ZNF407: variants seen among roughly 807,000 people sequenced by gnomAD.
ZNF407 encodes zinc finger protein 407.
In ZNF407, 17 loss-of-function variants were observed where a neutral mutation model predicts 131.2. The ratio of observed to expected loss-of-function variants is 0.13; its 90% CI spans 0.09 to 0.19. ZNF407 has a LOEUF of 0.19. Ranked by LOEUF, ZNF407 falls within the 10% of genes least tolerant of loss-of-function variation. The probability of loss-of-function intolerance (pLI) is 1.00; values close to 1 mark genes in which losing one functional copy is unlikely to be tolerated. For synonymous variants in ZNF407, 1,156 were observed against 1,062.0 expected, an observed-to-expected ratio of 1.09 and a Z score of -1.72; for missense variants, 2,681 against 2,830.6, an observed-to-expected ratio of 0.95 and a Z score of 1.20.
intron 3 of ZNF407, among the ~76,000 whole-genome samples, chr18:74,671,984 C>T (rs913286229): frequency 3.3e-5 from 5 of 152,138 alleles, no homozygotes; most frequent in Non-Finnish European, 5.9e-5. Flanking sequence ...AGGTTGATTC[C>T]ATGTCTTTGT....
intron 4 of ZNF407, among the ~76,000 whole-genome samples, chr18:74,789,852 C>G (rs1280905254): frequency 1.2e-5 from 1 of 86,128 alleles, no homozygotes; most frequent in Non-Finnish European, 2.2e-5. Flanking sequence ...ATCTTTGTAT[C>G]TGGTTTTTTT....
intron 8 of ZNF407, among the ~76,000 whole-genome samples, chr18:74,931,765 G>A (rs1226422082): frequency 2.0e-5 from 3 of 152,116 alleles, no homozygotes; most frequent in African/African-American, 7.2e-5. Flanking sequence ...CTCATCGTGT[G>A]GTTTTAATTT....
chr18:75,001,085 C>A (rs546218478), intron 8 of ZNF407, among the ~76,000 whole-genome samples: 40 of 152,266 alleles, frequency 2.6e-4, no homozygotes, highest in African/African-American at 9.4e-4. Context: ...CACATGATGT[C>A]CCACCAGAAG....
In ZNF407 at chr18:74,633,004, C is replaced by G; in HGVS notation, c.1985C>G (p.Pro662Arg). ...SNSDLVLQTLPLSTLESENAK... is the reference protein window; with the variant it reads ...SNSDLVLQTLRLSTLESENAK... ...AGTGATTTGGTTTTACAGACTTTAC[C>G]TTTGAGTACTTTAGAATCAGAAAAC... The change falls in exon 2 of 9, where the codon CCT becomes CGT. Residue 662 changes from proline (P) to arginine (R), a missense_variant. Physicochemically the swap from Pro to Arg is moderately radical, Grantham distance 103 (BLOSUM62 -2). Coordinates refer to ENST00000299687, the MANE Select transcript of ZNF407 (RefSeq NM_017757.3). 1 of 1,613,206 alleles carries G rather than the reference C, an allele frequency of 6.2e-7. No homozygotes were observed. The highest frequency in any genetic ancestry group is 8.5e-7 in the Non-Finnish European group (1 of 1,179,814).
At chr18:74,622,851 AGT>A (rs933310847) in intron 1 of ZNF407, among the ~76,000 whole-genome samples, 10 of 149,936 alleles carry the variant, frequency 6.7e-5, no homozygotes, top group East Asian at 2.0e-4. Flanking sequence ...TATCTGAATG[AGT>A]GTGTGGGTGT....
chr18:74,756,366 A>G (rs991360877), intron 3 of ZNF407, among the ~76,000 whole-genome samples: 2 of 151,996 alleles, frequency 1.3e-5, no homozygotes, highest in African/African-American at 4.8e-5. Context: ...GGCAGGTTGG[A>G]ATTTTGATAG....
chr18:74,636,948 A>G (rs1242216994), intron 2 of ZNF407, among the ~76,000 whole-genome samples: 2 of 152,244 alleles, frequency 1.3e-5, no homozygotes, highest in Non-Finnish European at 2.9e-5. Context: ...CGCAGAAAAT[A>G]TGTACTTTCT....
chr18:74,733,983 A>AT lies in ZNF407; in HGVS notation c.4803-47437dup, dbSNP rs973576464. On this transcript the variant is annotated intron_variant, in intron 3 of 8. Coordinates refer to ENST00000299687, the MANE Select transcript of ZNF407 (RefSeq NM_017757.3). ...CTTAGGCCCTTCAAATTTACTGGTTATTTTTTTTCTCTTTTTGCTCATCTT... is the reference window on the plus strand; with the variant it reads ...CTTAGGCCCTTCAAATTTACTGGTTATTTTTTTTTCTCTTTTTGCTCATCTT... Among the ~76,000 whole-genome samples, 16 of 150,792 alleles carry AT rather than the reference A, an allele frequency of 1.1e-4. No homozygotes were observed. In the East Asian group the frequency reaches 2.9e-3, roughly 28 times the overall value.
chr18:74,801,206 G>T (rs1010363269), intron 4 of ZNF407, among the ~76,000 whole-genome samples: 1 of 152,118 alleles, frequency 6.6e-6, no homozygotes, highest in Admixed American at 6.6e-5. Context: ...TTTCTCTTGA[G>T]TATGATTAAT....
intron 3 of ZNF407, among the ~76,000 whole-genome samples, chr18:74,732,575 A>G (rs1968318386): frequency 6.6e-6 from 1 of 152,230 alleles, no homozygotes; most frequent in Non-Finnish European, 1.5e-5. Context: ...TATTGACCTT[A>G]GATAAGCCCT....
At chr18:74,914,133 A>G (rs1244330716) in intron 7 of ZNF407, among the ~76,000 whole-genome samples, 1 of 152,208 alleles carries the variant, frequency 6.6e-6, no homozygotes, top group East Asian at 1.9e-4. Context: ...TGAGCCCTGC[A>G]GGAATCCTGG....
chr18:74,991,527 C>T (rs1032733776), intron 8 of ZNF407, among the ~76,000 whole-genome samples: 1 of 152,182 alleles, frequency 6.6e-6, no homozygotes, highest in African/African-American at 2.4e-5. Context: ...TTAAAATGGG[C>T]TGCTAGCATT....
intron 3 of ZNF407, among the ~76,000 whole-genome samples, chr18:74,655,686 G>A (rs1282440946): frequency 6.6e-6 from 1 of 152,136 alleles, no homozygotes; most frequent in Non-Finnish European, 1.5e-5. Context: ...TACTTTCAGT[G>A]AATATTTGTT....
rs112448095 is a variant in ZNF407 at position 74,740,805 on chromosome 18, T to C, written c.4803-40623T>C. Among the ~76,000 whole-genome samples the C allele has an allele frequency of 6.6e-4, 101 of 152,266 alleles. 1 individual carries two copies. The highest frequency in any genetic ancestry group is 2.4e-3 in the African/African-American group (98 of 41,542). ...TTAGATTTCCCTGCTGGGAGGTAAG[T>C]AGTTACTAGACCAGGGTCTAGACGA... On this transcript the variant is annotated intron_variant, in intron 3 of 8. Transcript: ENST00000299687.
chr18:75,013,327 C>T (rs761291101), intron 8 of ZNF407, among the ~76,000 whole-genome samples: 4 of 151,816 alleles, frequency 2.6e-5, no homozygotes, highest in East Asian at 1.9e-4. Flanking sequence ...GTTGTAGATC[C>T]GTATTTATTA....
intron 3 of ZNF407, among the ~76,000 whole-genome samples, chr18:74,726,884 T>C (rs1311453947): frequency 1.3e-5 from 2 of 152,204 alleles, no homozygotes. Context: ...GTCTTGGGCA[T>C]GTGCAGTATT....
chr18:74,752,673 T>A (rs1968834004), intron 3 of ZNF407, among the ~76,000 whole-genome samples: 1 of 152,220 alleles, frequency 6.6e-6, no homozygotes, highest in Non-Finnish European at 1.5e-5. Context: ...TTGTCAAAGA[T>A]CAGATGGTTG....
At chr18:74,630,258 C>A (rs186480740) in intron 1 of ZNF407, among the ~76,000 whole-genome samples, 3 of 151,434 alleles carry the variant, frequency 2.0e-5, no homozygotes, top group African/African-American at 4.9e-5. Context: ...GCAAGCTCCG[C>A]CTCCCGGGTT....
In ZNF407 at chr18:75,048,327, G is replaced by T. The variant is rs542649136; in HGVS notation, c.5429-14823G>T. ...TTTCTTTTTGGCATTTGCCATGGTT[G>T]GTCCCTCTCTTCTTTCTTCCCTTCC... is the stretch of plus-strand genomic sequence containing the variant. On this transcript the variant is annotated intron_variant, in intron 8 of 8. Coordinates refer to ENST00000299687, the MANE Select transcript of ZNF407 (RefSeq NM_017757.3). The surrounding 1 kb of genome is among the most constrained non-coding windows in gnomAD (Gnocchi z 4.1). Among the ~76,000 whole-genome samples, 1 of 152,310 alleles carries T rather than the reference G, an allele frequency of 6.6e-6. No homozygotes were observed. The highest frequency in any genetic ancestry group is 1.5e-5 in the Non-Finnish European group (1 of 68,028).
Sources: gnomAD v4.1 joint callset for allele counts (sites outside exome capture counted in the v4.1 genomes callset) on GRCh38, gnomAD v4.1.1 for gene constraint, Gnocchi (gnomAD v3.1) non-coding constraint, MANE v1.5 for transcripts, NCBI Gene and HGNC (gene_info 2026-07-23, HGNC 2026-07-21) for gene names.